Variants in DMD observed in about 807,000 individuals in gnomAD.
DMD encodes the protein mutant dystrophin.
In DMD, 63 loss-of-function variants were observed where a neutral mutation model predicts 330.1. The observed-to-expected ratio is 0.19, with a 90% confidence interval of 0.16 to 0.24. DMD has a LOEUF of 0.24. Ranked by LOEUF, DMD falls within the 10% of genes least tolerant of loss-of-function variation. The pLI is 1.00. For missense variants in DMD, 3,344 were observed against 2,684.1 expected, an observed-to-expected ratio of 1.25 and a Z score of -5.43; for synonymous variants, 1,223 against 959.8, an observed-to-expected ratio of 1.27 and a Z score of -5.07.
intron 43 of DMD, among the ~76,000 whole-genome samples, chrX:32,286,555 A>T (rs773499371): frequency 1.8e-5 from 2 of 111,710 alleles, no homozygotes; most frequent in African/African-American, 6.5e-5. Flanking sequence ...ACAATTAAGG[A>T]GTCAGGGTTT....
chrX:31,968,445 T>C lies in DMD; in HGVS notation c.6508A>G (p.Ile2170Val). The change falls in exon 45 of 79, where the codon ATT becomes GTT. Residue 2170 changes from isoleucine (I) to valine (V), a missense_variant. Transcript: ENST00000357033. The stretch of plus-strand genomic sequence containing the variant: ...GCATCTGTTTTTGAGGATTGCTGAA[T>C]TATTTCTTCCCCAGTTGCATTCAAT... Reference protein sequence around the residue: ...RTLNATGEEIIQQSSKTDASI... With the variant: ...RTLNATGEEIVQQSSKTDASI... The C allele has an allele frequency of 8.3e-7, 1 of 1,210,998 alleles. No individual in the cohort carries two copies. The highest frequency in any genetic ancestry group is 3.0e-5 in the East Asian group (1 of 33,812).
chrX:32,412,126 G>T, intron 29 of DMD: 6 of 1,155,462 alleles, frequency 5.2e-6, no homozygotes, highest in Non-Finnish European at 7.0e-6. Flanking sequence ...TAGGATCAGG[G>T]ATCTCTGCAT....
intron 43 of DMD, among the ~76,000 whole-genome samples, chrX:32,246,145 C>T (rs2097236387): frequency 2.3e-5 from 2 of 86,583 alleles, no homozygotes; most frequent in African/African-American, 8.5e-5. Flanking sequence ...CCATCAATAC[C>T]TAATTTATTG....
chrX:31,313,920 G>A (rs766564642), intron 62 of DMD, among the ~76,000 whole-genome samples: 25 of 105,711 alleles, frequency 2.4e-4, no homozygotes, highest in East Asian at 9.0e-4. Context: ...TGCAACCTCC[G>A]CCTCCCTGGT....
chrX:32,310,852 A>C (rs1050668046), intron 41 of DMD, among the ~76,000 whole-genome samples: 3 of 110,791 alleles, frequency 2.7e-5, no homozygotes, highest in African/African-American at 9.8e-5. Flanking sequence ...TTGCTAAGTT[A>C]AGCTGCTAAT....
At chrX:31,961,768 G>GT (rs2095308062) in intron 45 of DMD, among the ~76,000 whole-genome samples, 1 of 51,012 alleles carries the variant, frequency 2.0e-5, no homozygotes. Flanking sequence ...CTTGTTTTTT[G>GT]TTCTTTGTTT....
intron 51 of DMD, among the ~76,000 whole-genome samples, chrX:31,730,784 C>T (rs1266347661): frequency 9.0e-6 from 1 of 111,231 alleles, no homozygotes; most frequent in Admixed American, 9.6e-5. Context: ...TTATAATAAC[C>T]ACACTAGTAA....
intron 3 of DMD, 32 bp from the exon 4 acceptor site, chrX:32,844,892 C>A (rs766501215): frequency 2.7e-6 from 3 of 1,092,889 alleles, no homozygotes; most frequent in Admixed American, 4.4e-5. Context: ...GTTCACTGAC[C>A]AGCAGAGAGA....
Position 31,889,647 on chromosome X carries a change from T to TCTCACACACA in DMD, c.6913-14275_6913-14274insTGTGTGTGAG, listed in dbSNP as rs796563415. Among the ~76,000 whole-genome samples the TCTCACACACA allele has an allele frequency of 2.2e-3, 154 of 71,567 alleles. 1 individual carries two copies. Among genetic ancestry groups the TCTCACACACA allele is most frequent in the African/African-American group, 8.0e-3 (142 of 17,783 alleles). The allele number at this position is 71,567 out of a possible 115,157, so 62.1% of individuals were successfully genotyped here. A position where few individuals can be genotyped will look rare whatever the true frequency, so the allele number is the denominator to read the frequency against. The stretch of plus-strand genomic sequence containing the variant: ...CTCTCTCTCTCTCTCTCTCTCTCTC[T>TCTCACACACA]CACACACACACACACACACACACAC... On this transcript the variant is annotated intron_variant, in intron 47 of 78. Transcript: ENST00000357033.
chrX:32,470,123 T>G (rs2040464981), intron 22 of DMD, among the ~76,000 whole-genome samples: 1 of 111,539 alleles, frequency 9.0e-6, no homozygotes, highest in Admixed American at 9.6e-5. Context: ...TCTCATCTTG[T>G]AATTTTTTTA....
chrX:31,573,157 C>T (rs2075913115), intron 55 of DMD, among the ~76,000 whole-genome samples: 1 of 111,353 alleles, frequency 9.0e-6, no homozygotes, highest in Non-Finnish European at 1.9e-5. Flanking sequence ...ACAAAGACTC[C>T]TCTCTCTGTA....
At chrX:32,611,908 A>T (rs1045228366) in intron 12 of DMD, among the ~76,000 whole-genome samples, 4 of 111,992 alleles carry the variant, frequency 3.6e-5, no homozygotes, top group Non-Finnish European at 7.5e-5. Flanking sequence ...TCCAAAGTAA[A>T]GATACAGAGA....
chrX:31,164,509 T>G (rs1288630310), intron 74 of DMD, among the ~76,000 whole-genome samples: 1 of 111,779 alleles, frequency 8.9e-6, no homozygotes, highest in African/African-American at 3.3e-5. Context: ...TTACCAGCCC[T>G]GGGAATCATT....
chrX:33,284,338 C>T (rs1022343142), intron 1 of DMD, among the ~76,000 whole-genome samples: 2 of 110,856 alleles, frequency 1.8e-5, no homozygotes, highest in African/African-American at 6.5e-5. Flanking sequence ...TCAGGTTTTT[C>T]TCAACAATTA....
At chrX:31,201,235 G>A (rs935325161) in intron 67 of DMD, among the ~76,000 whole-genome samples, 2 of 110,302 alleles carry the variant, frequency 1.8e-5, no homozygotes, top group Middle Eastern at 4.6e-3. Flanking sequence ...AATGCCAGGC[G>A]TGGCGGTCCA....
chrX:31,996,586 T>C (rs1436096362), intron 44 of DMD, among the ~76,000 whole-genome samples: 1 of 111,611 alleles, frequency 9.0e-6, no homozygotes, highest in Non-Finnish European at 1.9e-5. Context: ...CCACATTTTT[T>C]TAGCACTGAA....
chrX:31,900,405 T>G (rs1418497156), intron 47 of DMD, among the ~76,000 whole-genome samples: 1 of 110,200 alleles, frequency 9.1e-6, no homozygotes, highest in Non-Finnish European at 1.9e-5. Context: ...AAAAGCGGAG[T>G]TTCCCTCCAA....
At chrX:31,195,857 A>G (rs771629860) in intron 67 of DMD, among the ~76,000 whole-genome samples, 3 of 110,556 alleles carry the variant, frequency 2.7e-5, no homozygotes, top group Non-Finnish European at 5.7e-5. Context: ...AGGAAAAGAC[A>G]GGGTGAGAGG....
chrX:31,191,022 A>C (rs1193811452), intron 67 of DMD, among the ~76,000 whole-genome samples: 1 of 112,215 alleles, frequency 8.9e-6, no homozygotes, highest in Non-Finnish European at 1.9e-5. Flanking sequence ...ACTAGAAGTC[A>C]CAAGGAAACA....
Sources: allele counts gnomAD v4.1 joint callset (sites outside exome capture counted in the v4.1 genomes callset), GRCh38; gene constraint gnomAD v4.1.1; transcripts MANE v1.5; gene names NCBI Gene and HGNC (gene_info 2026-07-23, HGNC 2026-07-21).